ADAMTSL1: variants seen among roughly 807,000 people sequenced by gnomAD.
ADAMTSL1 encodes ADAMTS-like protein 1.
In ADAMTSL1, 126 loss-of-function variants were observed where a neutral mutation model predicts 201.8. The ratio of observed to expected loss-of-function variants is 0.62; its 90% CI spans 0.54 to 0.72. The LOEUF is 0.72. Ranked by LOEUF, ADAMTSL1 falls within the 30% of genes least tolerant of loss-of-function variation. The pLI is 0.00. For missense variants in ADAMTSL1, 2,679 were observed against 2,277.8 expected, an observed-to-expected ratio of 1.18 and a Z score of -3.59; for synonymous variants, 1,121 against 903.4, an observed-to-expected ratio of 1.24 and a Z score of -4.32.
At chr9:18,877,825 C>T (rs1270257017) in intron 23 of ADAMTSL1, among the ~76,000 whole-genome samples, 5 of 152,110 alleles carry the variant, frequency 3.3e-5, no homozygotes, top group Non-Finnish European at 7.4e-5. Flanking sequence ...GTGGGCAGGG[C>T]CACAGATCTC....
intron 1 of ADAMTSL1, among the ~76,000 whole-genome samples, chr9:18,068,730 T>C (rs1465509346): frequency 6.6e-6 from 1 of 152,226 alleles, no homozygotes; most frequent in African/African-American, 2.4e-5. Context: ...AAGTTTTCAC[T>C]GAAAGCACTC....
At chr9:18,463,140 A>T (rs1399188315) in intron 2 of ADAMTSL1, among the ~76,000 whole-genome samples, 2 of 152,014 alleles carry the variant, frequency 1.3e-5, no homozygotes, top group African/African-American at 2.4e-5. Flanking sequence ...TTTTCCTTTG[A>T]GTGAGGATGG....
intron 3 of ADAMTSL1, among the ~76,000 whole-genome samples, chr9:18,537,893 AGAAG>A (rs1391307146): frequency 3.5e-5 from 5 of 141,634 alleles, no homozygotes; most frequent in African/African-American, 1.4e-4. Context: ...AAAAAAAAAA[AGAAG>A]AAAGAAGAAG....
intron 1 of ADAMTSL1, among the ~76,000 whole-genome samples, chr9:18,031,643 A>G (rs1820959418): frequency 6.6e-6 from 1 of 152,044 alleles, no homozygotes; most frequent in Non-Finnish European, 1.5e-5. Flanking sequence ...ACCTGCCCCC[A>G]CCCACCCTCC....
At chr9:18,261,069 G>A (rs1216185435) in intron 2 of ADAMTSL1, among the ~76,000 whole-genome samples, 3 of 115,018 alleles carry the variant, frequency 2.6e-5, no homozygotes, top group Non-Finnish European at 5.2e-5. Context: ...TATTAAATGG[G>A]GGAAAGTGTG....
At chr9:18,595,103 G>A (rs955888561) in intron 4 of ADAMTSL1, among the ~76,000 whole-genome samples, 5 of 152,154 alleles carry the variant, frequency 3.3e-5, no homozygotes, top group Non-Finnish European at 7.3e-5. Context: ...ATCTGTCCCA[G>A]ATGGATCTGG....
intron 1 of ADAMTSL1, among the ~76,000 whole-genome samples, chr9:18,053,275 AAT>A (rs1387936961): frequency 1.3e-5 from 2 of 152,134 alleles, no homozygotes; most frequent in African/African-American, 4.8e-5. Flanking sequence ...TAGATCTTAT[AAT>A]GAGGCAAAGA....
chr9:18,893,734 T>C (rs1393490823), intron 26 of ADAMTSL1, among the ~76,000 whole-genome samples: 1 of 152,236 alleles, frequency 6.6e-6, no homozygotes, highest in African/African-American at 2.4e-5. Flanking sequence ...TGCTTCAAAC[T>C]GTAGATGCTT....
intron 1 of ADAMTSL1, among the ~76,000 whole-genome samples, chr9:18,496,815 A>T (rs1822557748): frequency 6.6e-6 from 1 of 152,196 alleles, no homozygotes; most frequent in African/African-American, 2.4e-5. Context: ...ATTTCAGCTC[A>T]ATTTGCCAGT....
chr9:18,754,133 C>A (rs1397013153), intron 16 of ADAMTSL1, among the ~76,000 whole-genome samples: 3 of 152,108 alleles, frequency 2.0e-5, no homozygotes, highest in Non-Finnish European at 2.9e-5. Flanking sequence ...ATTTTACGTA[C>A]CGTCTATGGC....
At chr9:18,518,263 G>A (rs565359417) in intron 2 of ADAMTSL1, among the ~76,000 whole-genome samples, 10 of 152,022 alleles carry the variant, frequency 6.6e-5, no homozygotes, top group Non-Finnish European at 1.2e-4. Flanking sequence ...ATTGAACGTC[G>A]TACTCAATAG....
intron 19 of ADAMTSL1, among the ~76,000 whole-genome samples, chr9:18,778,246 TTA>T (rs1263967473): frequency 6.6e-6 from 1 of 152,228 alleles, no homozygotes; most frequent in Non-Finnish European, 1.5e-5. Context: ...CAAGGCATTA[TTA>T]TGTTACTACT....
intron 2 of ADAMTSL1, among the ~76,000 whole-genome samples, chr9:18,316,924 A>C (rs1008624550): frequency 6.6e-6 from 1 of 152,020 alleles, no homozygotes; most frequent in Non-Finnish European, 1.5e-5. Flanking sequence ...GGATATCTAC[A>C]CCTCCATATT....
chr9:18,525,328 CT>C (rs1448001530), intron 2 of ADAMTSL1, among the ~76,000 whole-genome samples: 1 of 152,072 alleles, frequency 6.6e-6, no homozygotes, highest in Non-Finnish European at 1.5e-5. Context: ...TGATTCTTCT[CT>C]CTTTTCTTCT....
intron 1 of ADAMTSL1, among the ~76,000 whole-genome samples, chr9:18,096,319 C>T (rs1467072024): frequency 6.6e-6 from 1 of 152,216 alleles, no homozygotes; most frequent in Non-Finnish European, 1.5e-5. Flanking sequence ...TTATCTCACT[C>T]TTAGTTCTAT....
chr9:18,277,939 C>CT (rs1050644851), intron 2 of ADAMTSL1, among the ~76,000 whole-genome samples: 4 of 151,768 alleles, frequency 2.6e-5, no homozygotes, highest in African/African-American at 9.7e-5. Context: ...ATTTCTTTAT[C>CT]TTTTTTGTAT....
At chr9:18,333,839 T>C (rs1205648536) in intron 2 of ADAMTSL1, among the ~76,000 whole-genome samples, 2 of 152,180 alleles carry the variant, frequency 1.3e-5, no homozygotes, top group African/African-American at 2.4e-5. Flanking sequence ...TGATTTAATA[T>C]GACAGGCAAT....
In ADAMTSL1 at chr9:18,192,624, A is replaced by G. The variant is rs573795174; in HGVS notation, c.207+28643A>G. ...CTGAACCATGATTTTTGGAGAAGAC[A>G]TTTCTAAATTTCTTTTACTGGATAA... On this transcript the variant is annotated intron_variant, in intron 2 of 29. Coordinates refer to the ADAMTSL1 transcript ENST00000680146. Among the ~76,000 whole-genome samples, 115 of 152,302 alleles carry G rather than the reference A, an allele frequency of 7.6e-4. 1 individual carries two copies. Among genetic ancestry groups the G allele is most frequent in the Admixed American group, 4.5e-3 (69 of 15,288 alleles).
chr9:18,227,409 G>C (rs1310089979), intron 2 of ADAMTSL1, among the ~76,000 whole-genome samples: 3 of 152,178 alleles, frequency 2.0e-5, no homozygotes, highest in African/African-American at 7.2e-5. Context: ...TGCTACAGTA[G>C]AGGTACATTC....
Sources: allele counts gnomAD v4.1 joint callset (sites outside exome capture counted in the v4.1 genomes callset), GRCh38; gene constraint gnomAD v4.1.1; transcripts MANE v1.5; gene names NCBI Gene and HGNC (gene_info 2026-07-23, HGNC 2026-07-21).